Variants in UBAC2 observed in about 807,000 individuals in gnomAD.
UBAC2 encodes ubiquitin-associated domain-containing protein 2.
UBAC2 carries 26 observed loss-of-function variants against 44.0 expected under a neutral mutation model. The observed-to-expected ratio is 0.59, with a 90% CI of 0.43 to 0.82. UBAC2 has a LOEUF of 0.82. UBAC2 is among the 40% of genes least tolerant of loss of function. The pLI is 0.00. For synonymous variants in UBAC2, 155 were observed against 154.3 expected (o/e 1.00, Z -0.04); for missense variants, 329 against 419.4 (o/e 0.78, Z 1.88).
rs2042785288 is a variant in UBAC2 at position 99,200,883 on chromosome 13, T to C, written c.-26T>C. 7.7e-7 allele frequency: 1 copy of C among 1,301,982 alleles called. No individual in the cohort carries two copies. Among genetic ancestry groups the C allele is most frequent in the South Asian group, 2.8e-5 (1 of 36,024 alleles). 80.7% of individuals were successfully genotyped at this position (1,301,982 alleles called of 1,614,324 possible). ...TTCAGCTTCCCCTCCCCCGGCGCCC[T>C]CTGGGGCTCCGAGCCCGGCGGGACC... On this transcript the variant is annotated 5_prime_UTR_variant, in exon 1 of 9. Coordinates refer to ENST00000403766, the MANE Select transcript of UBAC2 (RefSeq NM_001144072.2).
At chr13:99,259,591 G>A (rs1012139834) in intron 4 of UBAC2, among the ~76,000 whole-genome samples, 7 of 152,144 alleles carry the variant, frequency 4.6e-5, no homozygotes, top group Non-Finnish European at 1.0e-4. Context: ...AACTTCTTAT[G>A]AGGTAATTAT....
At position 99,237,562 on chromosome 13, in the gene UBAC2, A is replaced by G. The variant is rs1460640330; in HGVS notation, c.32-865A>G. ...ACTTAGAAGAAATAAGACGGTGTTC[A>G]GTAGGTCAGGAGCGTGTCTGTAGTT... On this transcript the variant is annotated intron_variant, in intron 1 of 8. Coordinates refer to ENST00000403766, the MANE Select transcript of UBAC2 (RefSeq NM_001144072.2). 2.0e-5 allele frequency among the ~76,000 whole-genome samples: 3 copies of G among 152,238 alleles called. No homozygotes were observed. The East Asian group carries it at 5.8e-4, about 29-fold the overall frequency.
chr13:99,285,393 CTT>C (rs869067528), intron 4 of UBAC2, among the ~76,000 whole-genome samples: 12 of 139,466 alleles, frequency 8.6e-5, no homozygotes, highest in Admixed American at 1.4e-4. Flanking sequence ...TACCTTTCTT[CTT>C]TTTTTTTTTT....
chr13:99,235,891 C>T (rs2043227362), intron 1 of UBAC2, among the ~76,000 whole-genome samples: 1 of 151,974 alleles, frequency 6.6e-6, no homozygotes, highest in Admixed American at 6.6e-5. Context: ...TCACTTGAGC[C>T]CAGGAGTTCA....
chr13:99,228,900 T>G (rs2142704155), intron 1 of UBAC2, among the ~76,000 whole-genome samples: 1 of 152,332 alleles, frequency 6.6e-6, no homozygotes, highest in African/African-American at 2.4e-5. Flanking sequence ...TTGGGCTATT[T>G]TTATATGCTT....
chr13:99,337,348 C>CT (rs902635534), intron 6 of UBAC2, among the ~76,000 whole-genome samples: 7 of 151,314 alleles, frequency 4.6e-5, no homozygotes, highest in African/African-American at 1.5e-4. Flanking sequence ...TTATCTTTTT[C>CT]TTTTTTTTCT....
intron 1 of UBAC2, among the ~76,000 whole-genome samples, chr13:99,231,178 A>G (rs1047488824): frequency 2.6e-5 from 4 of 152,332 alleles, no homozygotes; most frequent in Non-Finnish European, 5.9e-5. Flanking sequence ...GTAACCCAAC[A>G]TAGTCACAGG....
chr13:99,367,832 C>T lies in UBAC2; in HGVS notation c.853C>T (p.Arg285Ter), dbSNP rs1382967400. ...WNRLFPPLRQ[R>*]QNVNYQGGRQ... ...TCGTCTTTTTCCTCCTTTACGTCAG[C>T]GACAAAACGTAAACTATCAGGGCGG... is the stretch of plus-strand genomic sequence containing the variant. The change falls in exon 8 of 9, where the codon CGA (arginine) becomes TGA (stop). Residue 285 changes from arginine to a stop codon, truncating the protein, a stop_gained. Transcript: ENST00000403766. LOFTEE classifies it high-confidence loss of function. 1 of 1,613,904 alleles carries T rather than the reference C, an allele frequency of 6.2e-7. No individual in the cohort carries two copies. The highest frequency in any genetic ancestry group is 1.3e-5 in the African/African-American group (1 of 75,012).
intron 4 of UBAC2, among the ~76,000 whole-genome samples, chr13:99,303,693 A>G (rs2044289548): frequency 6.6e-6 from 1 of 152,172 alleles, no homozygotes; most frequent in East Asian, 1.9e-4. Context: ...TGAGTCCTGA[A>G]TGTTTCTGGA....
At chr13:99,305,341 A>C (rs898247989) in intron 4 of UBAC2, among the ~76,000 whole-genome samples, 1 of 152,164 alleles carries the variant, frequency 6.6e-6, no homozygotes, top group African/African-American at 2.4e-5. Context: ...GAAGGTGATA[A>C]ACCCCCCAGA....
chr13:99,337,504 AC>A (rs1242725661), intron 6 of UBAC2, among the ~76,000 whole-genome samples: 1 of 151,922 alleles, frequency 6.6e-6, no homozygotes, highest in African/African-American at 2.4e-5. Context: ...CTTTTGTTTC[AC>A]CACAGTGGAT....
At chr13:99,290,364 G>A (rs2044073453) in intron 4 of UBAC2, among the ~76,000 whole-genome samples, 2 of 152,142 alleles carry the variant, frequency 1.3e-5, no homozygotes, top group Admixed American at 6.5e-5. Flanking sequence ...CAAGAGGCCT[G>A]GGGGAAAGAG....
At chr13:99,258,333 C>G (rs536155620) in intron 4 of UBAC2, 3 of 152,012 alleles carry the variant, frequency 2.0e-5, no homozygotes, top group South Asian at 2.1e-4. Context: ...TCCAGTGTAA[C>G]GCTTGGCGTC....
At chr13:99,333,953 T>G (rs1414849719) in intron 6 of UBAC2, among the ~76,000 whole-genome samples, 1 of 152,092 alleles carries the variant, frequency 6.6e-6, no homozygotes, top group Non-Finnish European at 1.5e-5. Context: ...AAAAACCTGA[T>G]TTAAAAAAAA....
chr13:99,222,394 G>A (rs2043060857), intron 1 of UBAC2, among the ~76,000 whole-genome samples: 1 of 152,198 alleles, frequency 6.6e-6, no homozygotes, highest in African/African-American at 2.4e-5. Flanking sequence ...AGTGGGAGTG[G>A]CAGGAGCAAA....
At chr13:99,374,630 C>T (rs1566528505) in intron 8 of UBAC2, among the ~76,000 whole-genome samples, 1 of 152,150 alleles carries the variant, frequency 6.6e-6, no homozygotes, top group Non-Finnish European at 1.5e-5. Context: ...GAATCCTTAC[C>T]ACTGTCTCCA....
intron 1 of UBAC2, among the ~76,000 whole-genome samples, chr13:99,228,036 A>G (rs1324021492): frequency 2.0e-5 from 3 of 152,204 alleles, no homozygotes; most frequent in African/African-American, 7.2e-5. Context: ...TGTAGCTCAG[A>G]TGGGTGACTT....
intron 6 of UBAC2, among the ~76,000 whole-genome samples, chr13:99,322,613 C>T (rs1007381096): frequency 3.9e-5 from 6 of 152,138 alleles, no homozygotes; most frequent in Non-Finnish European, 8.8e-5. Context: ...TTCCTGCATT[C>T]GTTACTTGTC....
At chr13:99,316,003 G>A (rs1052199497) in intron 5 of UBAC2, among the ~76,000 whole-genome samples, 5 of 151,618 alleles carry the variant, frequency 3.3e-5, no homozygotes, top group African/African-American at 7.3e-5. Context: ...ATCTAGTGCC[G>A]TTTCCACAGT....
Sources: allele counts gnomAD v4.1 joint callset (sites outside exome capture counted in the v4.1 genomes callset), GRCh38; gene constraint gnomAD v4.1.1; transcripts MANE v1.5; gene names NCBI Gene and HGNC (gene_info 2026-07-23, HGNC 2026-07-21).